XKR9: variants seen among roughly 807,000 people sequenced by gnomAD.
The protein encoded by XKR9 is XK-related protein 9.
A neutral mutation model predicts 32.0 loss-of-function variants in XKR9; 32 were observed. The observed-to-expected ratio is 1.00, with a 90% CI of 0.76 to 1.34. The LOEUF (loss-of-function observed/expected upper bound fraction) is 1.34, where lower values mean the gene tolerates loss of function less well. Among genes scored for constraint, XKR9 ranks in the 40% most tolerant of loss-of-function variants. The pLI, the probability that XKR9 is intolerant of heterozygous loss-of-function variation, is 0.00. For synonymous variants in XKR9, 168 were observed against 143.4 expected (o/e 1.17, Z -1.22); for missense variants, 546 against 429.7 (o/e 1.27, Z -2.39).
intron 2 of XKR9, among the ~76,000 whole-genome samples, chr8:70,748,494 C>T (rs1309463108): frequency 1.3e-5 from 2 of 152,240 alleles, no homozygotes; most frequent in African/African-American, 2.4e-5. Context: ...ACAAACATGC[C>T]AGCCCCCTGC....
intron 3 of XKR9, 42 bp downstream of exon 3, chr8:70,681,372 C>A (rs753389817): frequency 1.9e-6 from 3 of 1,564,104 alleles, no homozygotes; most frequent in Admixed American, 3.9e-5. Flanking sequence ...TTTTCTTTTT[C>A]CAAACAGAAG....
chr8:70,878,294 C>A, the XKR9 span, among the ~76,000 whole-genome samples: 1 of 152,250 alleles, frequency 6.6e-6, no homozygotes, highest in Non-Finnish European at 1.5e-5. Flanking sequence ...GGATCAAAAT[C>A]ACACATAACA....
At chr8:70,987,539 G>C in the XKR9 span, among the ~76,000 whole-genome samples, 1 of 152,206 alleles carries the variant, frequency 6.6e-6, no homozygotes, top group Non-Finnish European at 1.5e-5. Flanking sequence ...TGATGCAAGA[G>C]GTGGGCTCCC....
At chr8:70,775,388 G>T (rs887650364) in intron 2 of XKR9, among the ~76,000 whole-genome samples, 2 of 152,066 alleles carry the variant, frequency 1.3e-5, no homozygotes, top group Admixed American at 1.3e-4. Context: ...TCTTTGCCTT[G>T]TCTTCACTAC....
chr8:70,933,980 A>T, the XKR9 span, among the ~76,000 whole-genome samples: 1 of 152,076 alleles, frequency 6.6e-6, no homozygotes, highest in Non-Finnish European at 1.5e-5. Flanking sequence ...CAAATCTCAG[A>T]AAAGTTAAAC....
the XKR9 span, among the ~76,000 whole-genome samples, chr8:70,848,179 A>T: frequency 6.6e-6 from 1 of 152,152 alleles, no homozygotes; most frequent in Non-Finnish European, 1.5e-5. Flanking sequence ...AAATCAATAG[A>T]TGTGATACAT....
At chr8:70,709,610 A>G (rs1191899466) in intron 4 of XKR9, among the ~76,000 whole-genome samples, 1 of 152,180 alleles carries the variant, frequency 6.6e-6, no homozygotes, top group Non-Finnish European at 1.5e-5. Flanking sequence ...TAAAATTGGT[A>G]TACAAGATCG....
chr8:70,884,358 C>A, the XKR9 span, among the ~76,000 whole-genome samples: 140 of 152,170 alleles, frequency 9.2e-4, 1 homozygote, highest in African/African-American at 3.3e-3. Flanking sequence ...TTTTGTAGAG[C>A]AGAAGTTTTG....
At chr8:70,988,450 C>A in the XKR9 span, among the ~76,000 whole-genome samples, 1 of 152,028 alleles carries the variant, frequency 6.6e-6, no homozygotes, top group East Asian at 1.9e-4. Context: ...GGCATCTTTA[C>A]AACTCCACGG....
intron 2 of XKR9, among the ~76,000 whole-genome samples, chr8:70,767,146 A>G (rs918372736): frequency 6.6e-6 from 1 of 151,702 alleles, no homozygotes; most frequent in Admixed American, 6.6e-5. Context: ...CTCTTTTTCT[A>G]TTGTTTGGAA....
intron 4 of XKR9, among the ~76,000 whole-genome samples, chr8:70,724,034 C>T (rs1342715854): frequency 6.6e-6 from 1 of 152,038 alleles, no homozygotes; most frequent in East Asian, 1.9e-4. Context: ...GGAATTTTAT[C>T]CGTAAGCCCC....
the XKR9 span, among the ~76,000 whole-genome samples, chr8:71,055,691 A>G: frequency 6.6e-6 from 1 of 152,186 alleles, no homozygotes; most frequent in Non-Finnish European, 1.5e-5. Context: ...CTGTTATGAA[A>G]CATCTTAGAA....
chr8:70,758,340 GCT>G (rs1284430777), intron 2 of XKR9, among the ~76,000 whole-genome samples: 1 of 152,048 alleles, frequency 6.6e-6, no homozygotes, highest in African/African-American at 2.4e-5. Flanking sequence ...CCAGACTATT[GCT>G]CTATTGTTTA....
chr8:70,984,391 C>G, the XKR9 span, among the ~76,000 whole-genome samples: 3 of 152,216 alleles, frequency 2.0e-5, no homozygotes, highest in Non-Finnish European at 4.4e-5. Context: ...CTTCCCTATC[C>G]TGTGTAATCT....
At chr8:70,698,592 G>A (rs1805383730) in intron 3 of XKR9, among the ~76,000 whole-genome samples, 1 of 152,254 alleles carries the variant, frequency 6.6e-6, no homozygotes, top group African/African-American at 2.4e-5. Context: ...GCTGAGGAGA[G>A]CTTTACTTCC....
chr8:70,681,527 G>A (rs954907885), intron 3 of XKR9, among the ~76,000 whole-genome samples, 197 bp downstream of exon 3: 1 of 152,034 alleles, frequency 6.6e-6, no homozygotes, highest in Non-Finnish European at 1.5e-5. Flanking sequence ...TAATAAAAAT[G>A]TTTAAATTTA....
chr8:70,965,225 TTTTG>T, the XKR9 span, among the ~76,000 whole-genome samples: 2 of 152,206 alleles, frequency 1.3e-5, no homozygotes, highest in East Asian at 1.9e-4. Context: ...TTGTCTTTAG[TTTTG>T]TTTATGTGAT....
At chr8:70,718,808 G>T (rs765679612) in intron 4 of XKR9, among the ~76,000 whole-genome samples, 1 of 152,154 alleles carries the variant, frequency 6.6e-6, no homozygotes, top group African/African-American at 2.4e-5. Context: ...ATAGTAGAAT[G>T]ATTTATAATC....
At chr8:70,714,334 A>ACAGCAAATT (rs1393545559) in intron 4 of XKR9, among the ~76,000 whole-genome samples, 1 of 152,116 alleles carries the variant, frequency 6.6e-6, no homozygotes, top group Non-Finnish European at 1.5e-5. Context: ...AAAATAAATT[A>ACAGCAAATT]CAGCAAATTA....
Sources: gnomAD v4.1 joint callset for allele counts (sites outside exome capture counted in the v4.1 genomes callset) on GRCh38, gnomAD v4.1.1 for gene constraint, MANE v1.5 for transcripts, NCBI Gene and HGNC (gene_info 2026-07-23, HGNC 2026-07-21) for gene names.